The following AUTS2 variants were observed in gnomAD, a reference collection of about 807,000 sequenced individuals.
AUTS2 encodes activator of transcription and developmental regulator AUTS2.
A neutral mutation model predicts 112.4 loss-of-function variants in AUTS2; 17 were observed. The ratio of observed to expected loss-of-function variants is 0.15; its 90% CI spans 0.10 to 0.23. AUTS2 has a LOEUF of 0.23. AUTS2 is among the 10% of genes least tolerant of loss of function. AUTS2 has a pLI of 1.00. For missense variants in AUTS2, 1,510 were observed against 1,701.6 expected, an observed-to-expected ratio of 0.89 and a Z score of 1.98; for synonymous variants, 751 against 702.7, an observed-to-expected ratio of 1.07 and a Z score of -1.09.
At chr7:70,451,399 A>G (rs1295582769) in intron 5 of AUTS2, among the ~76,000 whole-genome samples, 1 of 152,174 alleles carries the variant, frequency 6.6e-6, no homozygotes, top group African/African-American at 2.4e-5. Context: ...CTACAAAATA[A>G]CTGTATATTA....
At chr7:69,830,628 T>C (rs902689814) in intron 1 of AUTS2, among the ~76,000 whole-genome samples, 11 of 152,218 alleles carry the variant, frequency 7.2e-5, no homozygotes, top group Non-Finnish European at 1.6e-4. Flanking sequence ...TCATTATAAC[T>C]GAGGAAGCGT....
chr7:70,470,716 G>C (rs1030370505), intron 5 of AUTS2, among the ~76,000 whole-genome samples: 9 of 152,122 alleles, frequency 5.9e-5, no homozygotes, highest in African/African-American at 2.2e-4. Context: ...GAGGAGAAAA[G>C]AGGCAGAGAA....
At chr7:69,660,050 G>C (rs539263530) in intron 1 of AUTS2, among the ~76,000 whole-genome samples, 1 of 152,160 alleles carries the variant, frequency 6.6e-6, no homozygotes, top group Non-Finnish European at 1.5e-5. Flanking sequence ...TTGGTTTGCC[G>C]TTGGTAGTAT....
chr7:70,790,843 C>A lies in AUTS2; in HGVS notation c.3627C>A (p.Asn1209Lys). ...PTAGNQNGLL[N>K]KTPPTAALSA... Reference sequence around the variant, plus strand: ...CGGGCAACCAGAACGGACTCCTCAACAAGACCCCTCCGACAGCAGCGCTGA... The same window carrying A: ...CGGGCAACCAGAACGGACTCCTCAAAAAGACCCCTCCGACAGCAGCGCTGA... Residue 1209 changes from asparagine (N) to lysine (K), a missense_variant, in exon 19 of 19, where the codon AAC becomes AAA. Asn to Lys is a moderately conservative substitution (Grantham distance 94, BLOSUM62 0). This residue lies in a region of AUTS2 where 788 missense variants were observed against 797.6 expected (regional missense o/e 0.99). Coordinates refer to ENST00000342771, the MANE Select transcript of AUTS2 (RefSeq NM_015570.4). The surrounding 1 kb of genome is among the most constrained non-coding windows in gnomAD (Gnocchi z 7.6). The A allele has an allele frequency of 6.2e-7, 1 of 1,607,294 alleles. No individual in the cohort carries two copies. The highest frequency in any genetic ancestry group is 8.5e-7 in the Non-Finnish European group (1 of 1,176,464).
chr7:69,980,002 G>A (rs1798229191), intron 2 of AUTS2, among the ~76,000 whole-genome samples: 1 of 152,162 alleles, frequency 6.6e-6, no homozygotes, highest in Non-Finnish European at 1.5e-5. Context: ...GGAAGTTTTT[G>A]TTGTGCACAC....
chr7:70,657,947 A>G (rs1203947874), intron 5 of AUTS2, among the ~76,000 whole-genome samples: 1 of 152,156 alleles, frequency 6.6e-6, no homozygotes, highest in Non-Finnish European at 1.5e-5. Flanking sequence ...GGCACATCCA[A>G]GCCTCTTTGG....
At chr7:70,372,592 C>T (rs745575955) in intron 4 of AUTS2, among the ~76,000 whole-genome samples, 2 of 151,872 alleles carry the variant, frequency 1.3e-5, no homozygotes, top group Non-Finnish European at 2.9e-5. Flanking sequence ...TCTGGCTAGC[C>T]GTCAGATTTC....
rs151289863 is a variant in AUTS2, at chr7:70,458,462, A to G, written c.690+22681A>G. Among the ~76,000 whole-genome samples, 665 of 152,330 alleles carry G rather than the reference A, an allele frequency of 4.4e-3. 2 individuals are homozygous for G. Among genetic ancestry groups the G allele is most frequent in the South Asian group, 0.036 (172 of 4,828 alleles). ...TGACCCCAGCCTCTTGTTAGCTGAT[A>G]GATGAAATCTTTTCTAAAGCTGACT... On this transcript the variant is annotated intron_variant, in intron 5 of 18. Transcript: ENST00000342771.
chr7:70,113,080 C>T (rs1235262320), intron 2 of AUTS2, among the ~76,000 whole-genome samples: 4 of 152,046 alleles, frequency 2.6e-5, no homozygotes, highest in Non-Finnish European at 4.4e-5. Context: ...AACAAAAGAA[C>T]CTTTGATTCT....
intron 6 of AUTS2, among the ~76,000 whole-genome samples, chr7:70,700,942 A>G (rs2129547719): frequency 6.6e-6 from 1 of 152,378 alleles, no homozygotes; most frequent in South Asian, 2.1e-4. Context: ...GAGCAATAAA[A>G]AGCATCATAA....
Position 69,895,472 on chromosome 7 carries a change from T to C in AUTS2, c.310-3814T>C, listed in dbSNP as rs143874933. Among the ~76,000 whole-genome samples the C allele has an allele frequency of 2.9e-3, 443 of 152,226 alleles. 4 individuals are homozygous for C. The highest frequency in any genetic ancestry group is 0.01 in the African/African-American group (429 of 41,538). On this transcript the variant is annotated intron_variant, in intron 1 of 18. Transcript: ENST00000342771. Reference sequence around the variant, plus strand: ...CCTGTTACATAATAAAAAGTTGTTATAGACTCTTCATTTCTTCTTACCTCT... The same window carrying C: ...CCTGTTACATAATAAAAAGTTGTTACAGACTCTTCATTTCTTCTTACCTCT...
In AUTS2 at chr7:69,633,526, A is replaced by G. The variant is rs184286524; in HGVS notation, c.309+33564A>G. 3.3e-5 allele frequency among the ~76,000 whole-genome samples: 5 copies of G among 152,246 alleles called. No individual in the cohort carries two copies. In the East Asian group the frequency reaches 5.8e-4, roughly 18 times the overall value. On this transcript the variant is annotated intron_variant, in intron 1 of 18. Transcript: ENST00000342771. ...TAATTTCTTTAGAAACCTCCATACT[A>G]TTTTTCACAATGGCTGTATCAAACT... is the stretch of plus-strand genomic sequence containing the variant.
intron 1 of AUTS2, among the ~76,000 whole-genome samples, chr7:69,781,506 G>A (rs1042449892): frequency 2.0e-5 from 3 of 152,202 alleles, no homozygotes; most frequent in Admixed American, 1.3e-4. Flanking sequence ...AAGCTCTGGA[G>A]ACCAGCTCTC....
intron 4 of AUTS2, among the ~76,000 whole-genome samples, chr7:70,165,760 A>G (rs1195426421): frequency 1.3e-5 from 2 of 152,210 alleles, no homozygotes; most frequent in South Asian, 2.1e-4. Context: ...ATATAAAAAT[A>G]TGAATAAACA....
At chr7:70,527,656 G>A (rs2129496653) in intron 5 of AUTS2, among the ~76,000 whole-genome samples, 2 of 152,224 alleles carry the variant, frequency 1.3e-5, no homozygotes, top group South Asian at 4.1e-4. Flanking sequence ...GAAAACACTG[G>A]TCTACATAAA....
At chr7:70,746,403 C>T (rs1018322545) in intron 6 of AUTS2, among the ~76,000 whole-genome samples, 6 of 152,208 alleles carry the variant, frequency 3.9e-5, no homozygotes, top group Admixed American at 2.6e-4. Flanking sequence ...ACCTCGGCCT[C>T]CCAAAGTGCT....
chr7:69,752,992 G>A (rs980451632), intron 1 of AUTS2, among the ~76,000 whole-genome samples: 2 of 152,168 alleles, frequency 1.3e-5, no homozygotes, highest in East Asian at 1.9e-4. Context: ...ACCAACGACT[G>A]TGTACTGTCT....
At chr7:70,452,291 T>G (rs768948068) in intron 5 of AUTS2, among the ~76,000 whole-genome samples, 4 of 152,044 alleles carry the variant, frequency 2.6e-5, no homozygotes, top group Non-Finnish European at 5.9e-5. Context: ...AAACCCCATC[T>G]CTACAAAAAA....
chr7:70,240,669 CTAGTT>C (rs1378774116), intron 4 of AUTS2, among the ~76,000 whole-genome samples: 1 of 152,136 alleles, frequency 6.6e-6, no homozygotes, highest in Non-Finnish European at 1.5e-5. Flanking sequence ...ATGTGATCCT[CTAGTT>C]TAATATAGCA....
Sources: allele counts gnomAD v4.1 joint callset (sites outside exome capture counted in the v4.1 genomes callset), GRCh38; gene constraint gnomAD v4.1.1; regional missense constraint gnomAD v4.1.1; non-coding constraint Gnocchi (gnomAD v3.1); transcripts MANE v1.5; gene names NCBI Gene and HGNC (gene_info 2026-07-23, HGNC 2026-07-21).